The following CELSR1 variants were observed in gnomAD, a reference collection of about 807,000 sequenced individuals.
The protein encoded by CELSR1 is adhesion G protein-coupled receptor C1.
A neutral mutation model predicts 249.1 loss-of-function variants in CELSR1; 110 were observed. That is an observed-to-expected ratio of 0.44 (90% CI 0.38 to 0.52). The LOEUF (loss-of-function observed/expected upper bound fraction) is 0.52. Among genes scored for constraint, CELSR1 ranks in the 20% least tolerant of loss-of-function variants. The pLI is 0.00. For synonymous variants in CELSR1, 2,113 were observed against 1,900.0 expected (o/e 1.11, Z -2.92); for missense variants, 4,109 against 4,296.4 (o/e 0.96, Z 1.22).
chr22:46,503,476 G>A (rs1437248716), intron 1 of CELSR1, among the ~76,000 whole-genome samples: 2 of 152,212 alleles, frequency 1.3e-5, no homozygotes, highest in Non-Finnish European at 2.9e-5. Context: ...CTGTGACCAC[G>A]GGAGGCTACT....
At chr22:46,501,793 C>CA (rs2080468726) in intron 1 of CELSR1, among the ~76,000 whole-genome samples, 1 of 152,124 alleles carries the variant, frequency 6.6e-6, no homozygotes, top group South Asian at 2.1e-4. Context: ...AGTAATTCCC[C>CA]AAAAAGAATT....
rs201446927 is a variant in CELSR1 at position 46,409,720 on chromosome 22, C to T, written c.5059+35G>A. 17 of 1,609,010 alleles carry T rather than the reference C, an allele frequency of 1.1e-5. No individual in the cohort carries two copies. Among genetic ancestry groups the T allele is most frequent in the Admixed American group, 8.3e-5 (5 of 60,018 alleles). On this transcript the variant is annotated intron_variant, in intron 8 of 34. Transcript: ENST00000674500. The surrounding 1 kb of genome is among the most constrained non-coding windows in gnomAD (Gnocchi z 9.8). ...CAAGGAGCAATGCCTCCCAGGCCGCCGTGACCGGGGGGATGGACGACGCCG... is the reference window on the plus strand; with the variant it reads ...CAAGGAGCAATGCCTCCCAGGCCGCTGTGACCGGGGGGATGGACGACGCCG...
intron 1 of CELSR1, among the ~76,000 whole-genome samples, chr22:46,524,261 T>C (rs1475161592): frequency 1.3e-5 from 2 of 152,118 alleles, no homozygotes; most frequent in African/African-American, 4.8e-5. Context: ...ACCGCGGTGG[T>C]GGGAAGCACA....
At chr22:46,507,647 C>G (rs746249405) in intron 1 of CELSR1, among the ~76,000 whole-genome samples, 1 of 152,162 alleles carries the variant, frequency 6.6e-6, no homozygotes, top group Non-Finnish European at 1.5e-5. Flanking sequence ...CCTCCTGCCT[C>G]GCCCGCAGTC....
Position 46,364,664 on chromosome 22 carries a change from G to T in CELSR1, c.8627C>A (p.Pro2876His). 6.2e-7 allele frequency: 1 copy of T among 1,612,662 alleles called. No homozygotes were observed. The highest frequency in any genetic ancestry group is 8.5e-7 in the Non-Finnish European group (1 of 1,179,916). The change falls in exon 33 of 35, where the codon CCC becomes CAC. Residue 2876 changes from proline to histidine, a missense_variant. Pro to His is a moderately conservative substitution (Grantham distance 77, BLOSUM62 -2). Around this residue, in one of 7 missense-constraint regions of CELSR1, gnomAD observed 1,805 missense variants for 1,831.6 expected, o/e 0.99. Coordinates refer to ENST00000674500, the MANE Select transcript of CELSR1 (RefSeq NM_001378328.1). ...CACCTTCAGGCGGGGCTTGCCGCTG[G>T]GGTCCTCACTGTCACTCTCAGCCAG... ...QSLAESDSED[P>H]SGKPRLKVET...
intron 2 of CELSR1, among the ~76,000 whole-genome samples, chr22:46,455,729 T>A (rs114413371): frequency 0.017 from 2,618 of 152,280 alleles, 65 homozygotes; most frequent in African/African-American, 0.056. Context: ...CCAGTGCTGG[T>A]GGGCTGTGCC....
intron 9 of CELSR1, among the ~76,000 whole-genome samples, chr22:46,403,365 G>A (rs1340523087): frequency 2.0e-5 from 3 of 150,552 alleles, no homozygotes. Flanking sequence ...TGGCTAACAC[G>A]GTGAAACCCC....
At position 46,395,434 on chromosome 22, in the gene CELSR1, T is replaced by C. The variant is rs1400468553; in HGVS notation, c.5843+1171A>G. On this transcript the variant is annotated intron_variant, in intron 13 of 34. Coordinates refer to ENST00000674500, the MANE Select transcript of CELSR1 (RefSeq NM_001378328.1). This position sits in a 1 kb window ranked among gnomAD's most constrained non-coding sequence, Gnocchi z 5.5. ...CTCTAGATCAGCCTCATCCCCTTAC[T>C]CCTCTCCAGCTTGGCTCTGTTGCTT... Among the ~76,000 whole-genome samples, 1 of 152,016 alleles carries C rather than the reference T, an allele frequency of 6.6e-6. No individual in the cohort carries two copies. The highest frequency in any genetic ancestry group is 2.4e-5 in the African/African-American group (1 of 41,448).
intron 27 of CELSR1, 22 bp from the exon 28 acceptor site, chr22:46,367,877 C>G (rs1425300670): frequency 1.2e-6 from 2 of 1,600,062 alleles, no homozygotes; most frequent in Admixed American, 3.4e-5. Context: ...CAGGATCAGG[C>G]CTGTGCCCAT....
chr22:46,505,078 C>T (rs1197244242), intron 1 of CELSR1, among the ~76,000 whole-genome samples: 3 of 151,748 alleles, frequency 2.0e-5, no homozygotes, highest in Non-Finnish European at 2.9e-5. Flanking sequence ...CTGGCTAACA[C>T]GGTGAAACCC....
At chr22:46,462,869 G>T (rs1168584709) in intron 2 of CELSR1, 1 of 464,038 alleles carries the variant, frequency 2.2e-6, no homozygotes, top group Non-Finnish European at 4.4e-6. Flanking sequence ...GAGTCAGGAG[G>T]TATCAAGGAA....
chr22:46,384,330 C>T (rs902172454), intron 20 of CELSR1, among the ~76,000 whole-genome samples: 1 of 152,240 alleles, frequency 6.6e-6, no homozygotes. Flanking sequence ...GGTTCTGGGG[C>T]ATTTCAGATT....
At position 46,464,101 on chromosome 22, in the gene CELSR1, C is replaced by A; in HGVS notation, c.3789G>T (p.Ser1263=). The change falls in exon 2 of 35, where the codon TCG becomes TCT. Residue 1263 remains serine, a synonymous_variant. Coordinates refer to ENST00000674500, the MANE Select transcript of CELSR1 (RefSeq NM_001378328.1). This position sits in a 1 kb window ranked among gnomAD's most constrained non-coding sequence, Gnocchi z 8.5. Reference sequence around the variant, plus strand: ...CGCGGACGCCGCCAGGCAGCAGCGCCGAGAAGGTCACGTTCAGGATGTTGG... The same window carrying A: ...CGCGGACGCCGCCAGGCAGCAGCGCAGAGAAGGTCACGTTCAGGATGTTGG... ...VSSNILNVTF[S]ALLPGGVRGQ... is the part of the protein sequence containing the mutation. The A allele has an allele frequency of 3.1e-6, 5 of 1,613,814 alleles. No individual in the cohort carries two copies. Among genetic ancestry groups the A allele is most frequent in the Non-Finnish European group, 4.2e-6 (5 of 1,180,050 alleles).
rs116379368 is a variant in CELSR1 at position 46,396,981 on chromosome 22, C to T, written c.5702-235G>A. 0.011 allele frequency among the ~76,000 whole-genome samples: 1,612 copies of T among 152,000 alleles called. 28 individuals are homozygous for T. The highest frequency in any genetic ancestry group is 0.037 in the African/African-American group (1,538 of 41,316). ...CAAGGAGGGTGAGAGCCTTGGAACA[C>T]GGGGCCCAGGCTGCCCCAGGACACA... On this transcript the variant is annotated intron_variant, in intron 12 of 34. Coordinates refer to ENST00000674500, the MANE Select transcript of CELSR1 (RefSeq NM_001378328.1). The surrounding 1 kb of genome is among the most constrained non-coding windows in gnomAD (Gnocchi z 6.4).
intron 1 of CELSR1, among the ~76,000 whole-genome samples, chr22:46,520,465 C>A (rs886132664): frequency 1.3e-5 from 2 of 152,070 alleles, no homozygotes; most frequent in Non-Finnish European, 2.9e-5. Flanking sequence ...ACATGGTAAC[C>A]ACTTTTATTT....
chr22:46,460,777 C>T (rs548532975), intron 2 of CELSR1, among the ~76,000 whole-genome samples: 8 of 152,268 alleles, frequency 5.3e-5, no homozygotes, highest in East Asian at 1.9e-4. Context: ...ACGCCGTGAG[C>T]GGGTGGCAGC....
In CELSR1 at chr22:46,409,474, C is replaced by T. The variant is rs922819773; in HGVS notation, c.5059+281G>A. ...GGCAGACGGGGGCGGGTTCAGGATC[C>T]CTGGGCTCCGTGGCTGGGGTGCTGG... On this transcript the variant is annotated intron_variant, in intron 8 of 34. Transcript: ENST00000674500. The surrounding 1 kb of genome is among the most constrained non-coding windows in gnomAD (Gnocchi z 9.8). Among the ~76,000 whole-genome samples the T allele has an allele frequency of 1.3e-5, 2 of 152,274 alleles. No homozygotes were observed. Among genetic ancestry groups the T allele is most frequent in the African/African-American group, 2.4e-5 (1 of 41,554 alleles).
In CELSR1 at chr22:46,395,480, C is replaced by A. The variant is rs535783804; in HGVS notation, c.5843+1125G>T. Among the ~76,000 whole-genome samples the A allele has an allele frequency of 6.4e-4, 97 of 150,886 alleles. No individual in the cohort carries two copies. The highest frequency in any genetic ancestry group is 2.3e-3 in the African/African-American group (95 of 40,642). ...TGCTTTCGCTCCCAGAATGCCCTCCCGCTTCAGCCACACTGGCTCCCACCT... is the reference window on the plus strand; with the variant it reads ...TGCTTTCGCTCCCAGAATGCCCTCCAGCTTCAGCCACACTGGCTCCCACCT... On this transcript the variant is annotated intron_variant, in intron 13 of 34. Coordinates refer to ENST00000674500, the MANE Select transcript of CELSR1 (RefSeq NM_001378328.1). The surrounding 1 kb of genome is among the most constrained non-coding windows in gnomAD (Gnocchi z 5.5).
intron 28 of CELSR1, 100 bp downstream of exon 28, chr22:46,367,629 G>C (rs2078800646): frequency 6.7e-7 from 1 of 1,483,756 alleles, no homozygotes; most frequent in Non-Finnish European, 9.1e-7. Context: ...ACCCAGGCAG[G>C]GCTGGTTTGG....
Sources: allele counts gnomAD v4.1 joint callset (sites outside exome capture counted in the v4.1 genomes callset), GRCh38; gene constraint gnomAD v4.1.1; regional missense constraint gnomAD v4.1.1; non-coding constraint Gnocchi (gnomAD v3.1); transcripts MANE v1.5; gene names NCBI Gene and HGNC (gene_info 2026-07-23, HGNC 2026-07-21).